The following TPD52 variants were observed in gnomAD, a reference collection of about 807,000 sequenced individuals.
TPD52 encodes the protein tumor protein D52.
TPD52 carries 17 observed loss-of-function variants against 31.3 expected under a neutral mutation model. That is an observed-to-expected ratio of 0.54 (90% CI 0.37 to 0.82). The LOEUF (loss-of-function observed/expected upper bound fraction) is 0.82, where lower values mean the gene tolerates loss of function less well. TPD52 is among the 40% of genes least tolerant of loss of function. The pLI, the probability that TPD52 is intolerant of heterozygous loss-of-function variation, is 0.00. For synonymous variants in TPD52, 83 were observed against 89.6 expected (o/e 0.93, Z 0.42); for missense variants, 212 against 240.1 (o/e 0.88, Z 0.77).
chr8:80,117,734 C>CTT (rs57998208), intron 1 of TPD52, among the ~76,000 whole-genome samples: 18,521 of 131,304 alleles, frequency 0.14, 2,663 homozygotes, highest in African/African-American at 0.35. Flanking sequence ...TTTTTTCTTT[C>CTT]TTTTTTTTTT....
chr8:80,161,669 CT>C (rs1228390901), intron 1 of TPD52, among the ~76,000 whole-genome samples: 1 of 151,248 alleles, frequency 6.6e-6, no homozygotes, highest in African/African-American at 2.4e-5. Flanking sequence ...AAATTTCATC[CT>C]GTTAATAAGT....
intron 1 of TPD52, among the ~76,000 whole-genome samples, chr8:80,101,361 T>C (rs142387384): frequency 0.053 from 7,854 of 146,860 alleles, 263 homozygotes; most frequent in African/African-American, 0.081. Context: ...GGCAGGAGAA[T>C]CACTGGAACC....
intron 1 of TPD52, among the ~76,000 whole-genome samples, chr8:80,120,998 C>G (rs1586339331): frequency 6.6e-6 from 1 of 151,590 alleles, no homozygotes; most frequent in Non-Finnish European, 1.5e-5. Flanking sequence ...AGGAGGATAG[C>G]TTGAACCAGG....
chr8:80,068,061 TG>T (rs1470112680), intron 1 of TPD52, among the ~76,000 whole-genome samples: 3 of 83,064 alleles, frequency 3.6e-5, no homozygotes, highest in Admixed American at 1.1e-4. Flanking sequence ...ATTTTAATGT[TG>T]TTTTTTTTTT....
chr8:80,098,930 C>A (rs1806525147), intron 1 of TPD52, among the ~76,000 whole-genome samples: 1 of 152,150 alleles, frequency 6.6e-6, no homozygotes, highest in Middle Eastern at 3.2e-3. Flanking sequence ...GACCCTCCAG[C>A]AACAAAAAAC....
intron 5 of TPD52, among the ~76,000 whole-genome samples, chr8:80,044,647 A>G (rs1351336696): frequency 6.6e-6 from 1 of 152,084 alleles, no homozygotes; most frequent in Non-Finnish European, 1.5e-5. Context: ...TTAGTAAGAC[A>G]AGGAGGCAAC....
At position 80,042,683 on chromosome 8, in the gene TPD52, G is replaced by GA; in HGVS notation, c.456-16dup. The GA allele has an allele frequency of 6.2e-7, 1 of 1,600,254 alleles. No homozygotes were observed. The highest frequency in any genetic ancestry group is 8.5e-7 in the Non-Finnish European group (1 of 1,174,164). Reference sequence around the variant, plus strand: ...TTGGGGAGTTTCTATGGAGAGAAAAGAAAAACAAATAGTAAATACAAATAC... The same window carrying GA: ...TTGGGGAGTTTCTATGGAGAGAAAAGAAAAAACAAATAGTAAATACAAATAC... On this transcript the variant is annotated splice_polypyrimidine_tract_variant and intron_variant, in intron 6 of 7. Transcript: ENST00000518937.
chr8:80,045,636 C>A (rs1810772033), intron 5 of TPD52, among the ~76,000 whole-genome samples: 1 of 152,092 alleles, frequency 6.6e-6, no homozygotes, highest in Non-Finnish European at 1.5e-5. Context: ...CAGATGAGGT[C>A]AGGAGAGGTG....
At chr8:80,145,624 C>T (rs1863438) in intron 1 of TPD52, among the ~76,000 whole-genome samples, 60,184 of 151,954 alleles carry the variant, frequency 0.4, 12,400 homozygotes, top group East Asian at 0.71. Context: ...CCAGAAGTTA[C>T]TATTAGACAG....
chr8:80,041,744 T>C (rs58732235), intron 7 of TPD52, among the ~76,000 whole-genome samples: 1 of 123,736 alleles, frequency 8.1e-6, no homozygotes, highest in Admixed American at 7.4e-5. Context: ...ATGGCATCAT[T>C]ATAATAAAAA....
chr8:80,069,331 T>C (rs931907052), intron 1 of TPD52, among the ~76,000 whole-genome samples: 2 of 151,996 alleles, frequency 1.3e-5, no homozygotes, highest in African/African-American at 4.8e-5. Context: ...CCGGGTATAG[T>C]GGCCTGCACC....
chr8:80,065,934 A>ATT (rs33925188), intron 1 of TPD52, among the ~76,000 whole-genome samples: 7,157 of 129,398 alleles, frequency 0.055, 358 homozygotes, highest in Middle Eastern at 0.086. Flanking sequence ...CTGGCAACAG[A>ATT]TTTTTTTTTT....
At chr8:80,160,445 G>A (rs955752579) in intron 1 of TPD52, among the ~76,000 whole-genome samples, 1 of 152,056 alleles carries the variant, frequency 6.6e-6, no homozygotes, top group African/African-American at 2.4e-5. Context: ...TGGTATCATC[G>A]TCATCATTCT....
rs376873601 is a variant in TPD52 at position 80,162,320 on chromosome 8, T to C, written c.19+9105A>G. Among the ~76,000 whole-genome samples, 6 of 151,768 alleles carry C rather than the reference T, an allele frequency of 4.0e-5. No individual in the cohort carries two copies. In the East Asian group the frequency reaches 5.8e-4, roughly 15 times the overall value. On this transcript the variant is annotated intron_variant, in intron 1 of 7. Coordinates refer to ENST00000518937, the MANE Select transcript of TPD52 (RefSeq NM_001025253.3). ...AACATAACCAAAATGATAAGCAAAA[T>C]AGAAAAAGTAAATACTTGCCAAGGA...
At chr8:80,046,249 A>C (rs1219382774) in intron 5 of TPD52, among the ~76,000 whole-genome samples, 1 of 152,222 alleles carries the variant, frequency 6.6e-6, no homozygotes, top group Non-Finnish European at 1.5e-5. Flanking sequence ...ATTATATCAC[A>C]CTTGAAGATA....
intron 2 of TPD52, among the ~76,000 whole-genome samples, chr8:80,063,945 A>C (rs1812829156): frequency 7.8e-6 from 1 of 128,058 alleles, no homozygotes; most frequent in Admixed American, 7.8e-5. Context: ...GGGCGGAAAG[A>C]GAAAAAAGAG....
intron 1 of TPD52, among the ~76,000 whole-genome samples, chr8:80,118,248 T>G (rs1808012696): frequency 6.6e-6 from 1 of 152,150 alleles, no homozygotes; most frequent in Admixed American, 6.5e-5. Flanking sequence ...GGAAAATGGA[T>G]AGCCACATGC....
At chr8:80,105,023 C>T (rs867621710) in intron 1 of TPD52, among the ~76,000 whole-genome samples, 1 of 151,742 alleles carries the variant, frequency 6.6e-6, no homozygotes, top group African/African-American at 2.4e-5. Context: ...TGTGCCACTG[C>T]ACTCCAGCCT....
At chr8:80,081,610 T>C (rs930993393) in intron 1 of TPD52, among the ~76,000 whole-genome samples, 4 of 152,110 alleles carry the variant, frequency 2.6e-5, no homozygotes, top group South Asian at 2.1e-4. Context: ...TCTCCTTGGA[T>C]TGGAAGCAAG....
Sources: allele counts gnomAD v4.1 joint callset (sites outside exome capture counted in the v4.1 genomes callset), GRCh38; gene constraint gnomAD v4.1.1; transcripts MANE v1.5; gene names NCBI Gene and HGNC (gene_info 2026-07-23, HGNC 2026-07-21).